Variants in CRLF3 observed in about 807,000 individuals in gnomAD.
CRLF3 encodes the protein cytokine receptor-like factor 3.
A neutral mutation model predicts 55.0 loss-of-function variants in CRLF3; 33 were observed. That is an observed-to-expected ratio of 0.60 (90% CI 0.46 to 0.80). The LOEUF is 0.80. Ranked by LOEUF, CRLF3 falls within the 30% of genes least tolerant of loss-of-function variation. The pLI, the probability that CRLF3 is intolerant of heterozygous loss-of-function variation, is 0.00. For missense variants in CRLF3, 494 were observed against 538.4 expected (o/e 0.92, Z 0.82); for synonymous variants, 238 against 196.8 (o/e 1.21, Z -1.75).
In CRLF3 at chr17:30,783,259, A is replaced by G. The variant is rs1376415179; in HGVS notation, c.*928T>C. ...AATACTGTAGCCTATACTGTATCAA[A>G]TTGCAATGAAAGAACAAAAGGTACT... On this transcript the variant is annotated 3_prime_UTR_variant, in exon 8 of 8. Transcript: ENST00000324238. The G allele has an allele frequency of 6.6e-6, 1 of 152,236 alleles. No homozygotes were observed. 9.4% of individuals were successfully genotyped at this position (152,236 alleles called of 1,614,324 possible). A position where few individuals can be genotyped will look rare whatever the true frequency, so the allele number is the denominator to read the frequency against.
intron 1 of CRLF3, among the ~76,000 whole-genome samples, chr17:30,806,262 T>C (rs1309265037): frequency 6.6e-6 from 1 of 152,168 alleles, no homozygotes; most frequent in Non-Finnish European, 1.5e-5. Context: ...AAAAAGCCTC[T>C]TCCCCAAAAA....
chr17:30,809,979 G>T (rs1904561326), intron 1 of CRLF3: 1 of 152,110 alleles, frequency 6.6e-6, no homozygotes, highest in Non-Finnish European at 1.5e-5. Context: ...AGAGCTCCCA[G>T]ATAAATCTGT....
At chr17:30,795,807 G>A (rs1024260393) in intron 4 of CRLF3, among the ~76,000 whole-genome samples, 2 of 151,992 alleles carry the variant, frequency 1.3e-5, no homozygotes, top group Non-Finnish European at 2.9e-5. Flanking sequence ...GTGATGGCAG[G>A]TGCCTATAAT....
intron 6 of CRLF3, among the ~76,000 whole-genome samples, chr17:30,790,283 C>T (rs1971762206): frequency 6.6e-6 from 1 of 152,172 alleles, no homozygotes; most frequent in South Asian, 2.1e-4. Context: ...GAGCTTGTTA[C>T]ACTAAGGTGA....
rs1971560542 is a variant in CRLF3 at position 30,783,727 on chromosome 17, A to G, written c.*460T>C. On this transcript the variant is annotated 3_prime_UTR_variant, in exon 8 of 8. Coordinates refer to ENST00000324238, the MANE Select transcript of CRLF3 (RefSeq NM_015986.4). The stretch of plus-strand genomic sequence containing the variant: ...TGAACATGGAGAGCACAGTCAACAC[A>G]TTCATGTGGACAGCACATGAACGGA... The G allele has an allele frequency of 6.5e-6, 1 of 153,270 alleles. No homozygotes were observed. Among genetic ancestry groups the G allele is most frequent in the Non-Finnish European group, 1.5e-5 (1 of 68,872 alleles). The allele number at this position is 153,270 out of a possible 1,614,324, so 9.5% of individuals were successfully genotyped here.
At position 30,824,635 on chromosome 17, in the gene CRLF3, T is replaced by TCCATCG; in HGVS notation, c.11_16dup (p.Ala4_Met5dup). 6.3e-7 allele frequency: 1 copy of TCCATCG among 1,599,906 alleles called. No individual in the cohort carries two copies. The highest frequency in any genetic ancestry group is 8.5e-7 in the Non-Finnish European group (1 of 1,177,332). ...CTGCAACAGCAGCTCAGGCTCCAGCTCCATCGCCCCCCTCATCTGGCCGCG... is the reference window on the plus strand; with the variant it reads ...CTGCAACAGCAGCTCAGGCTCCAGCTCCATCGCCATCGCCCCCCTCATCTGGCCGCG... On this transcript the variant is annotated inframe_insertion, in exon 1 of 8. Coordinates refer to ENST00000324238, the MANE Select transcript of CRLF3 (RefSeq NM_015986.4).
chr17:30,790,939 G>A (rs1301480640), intron 6 of CRLF3: 2 of 151,616 alleles, frequency 1.3e-5, no homozygotes, highest in Non-Finnish European at 2.9e-5. Context: ...TTTTTTTTGA[G>A]ACGGAGTCTC....
At chr17:30,821,901 G>A (rs1170085404) in intron 1 of CRLF3, among the ~76,000 whole-genome samples, 3 of 151,632 alleles carry the variant, frequency 2.0e-5, no homozygotes, top group African/African-American at 7.3e-5. Flanking sequence ...TGACTTTTAC[G>A]GTGTGTGAAT....
intron 6 of CRLF3, among the ~76,000 whole-genome samples, chr17:30,791,604 G>A (rs925881491): frequency 6.0e-5 from 9 of 149,750 alleles, no homozygotes; most frequent in South Asian, 2.1e-4. Flanking sequence ...TGCAAGCTCC[G>A]CCTCCCGGGT....
At chr17:30,786,926 C>T (rs1971660890) in intron 6 of CRLF3, 1 of 152,292 alleles carries the variant, frequency 6.6e-6, no homozygotes, top group African/African-American at 2.4e-5. Flanking sequence ...TCTCGAACTC[C>T]TGACCTCAGG....
chr17:30,790,605 G>A (rs1014466258), intron 6 of CRLF3: 1 of 80,838 alleles, frequency 1.2e-5, no homozygotes. Context: ...AAATTTTTTT[G>A]CTTTTTTTTT....
intron 1 of CRLF3, among the ~76,000 whole-genome samples, chr17:30,812,111 A>G (rs969853922): frequency 7.9e-5 from 12 of 152,074 alleles, no homozygotes; most frequent in African/African-American, 2.9e-4. Context: ...CTCCGTCTAA[A>G]AAAAAAATAA....
chr17:30,797,518 A>T (rs1971936745), intron 2 of CRLF3, 120 bp from the exon 3 acceptor site: 2 of 744,000 alleles, frequency 2.7e-6, no homozygotes, highest in Non-Finnish European at 4.6e-6. Flanking sequence ...GTGATGCCAC[A>T]GTCAAATTCC....
rs947966084 is a variant in CRLF3 at position 30,788,095 on chromosome 17, G to A, written c.960-2064C>T. Among the ~76,000 whole-genome samples, 7 of 152,098 alleles carry A rather than the reference G, an allele frequency of 4.6e-5. No homozygotes were observed. In the East Asian group the frequency reaches 1.2e-3, roughly 25 times the overall value. Reference sequence around the variant, plus strand: ...TGTAATCCCAGCACTTTGGGAGGCCGAGGTGGGCGGATCACAAAGTCAGGA... The same window carrying A: ...TGTAATCCCAGCACTTTGGGAGGCCAAGGTGGGCGGATCACAAAGTCAGGA... On this transcript the variant is annotated intron_variant, in intron 6 of 7. Transcript: ENST00000324238.
chr17:30,791,467 A>G (rs949755650), intron 6 of CRLF3, among the ~76,000 whole-genome samples: 15 of 151,450 alleles, frequency 9.9e-5, no homozygotes, highest in Non-Finnish European at 1.8e-4. Flanking sequence ...TCGGCCTCCC[A>G]AAGTGCTGGG....
intron 2 of CRLF3, among the ~76,000 whole-genome samples, chr17:30,799,207 A>C (rs748360804): frequency 1.8e-4 from 27 of 152,200 alleles, no homozygotes; most frequent in Non-Finnish European, 3.2e-4. Context: ...TGCGAGGCGT[A>C]GGCTGCAGCA....
chr17:30,797,301 ACT>A lies in CRLF3; in HGVS notation c.425+8_425+9del, dbSNP rs1215888180. 3.4e-5 allele frequency: 55 copies of A among 1,601,818 alleles called. No homozygotes were observed. The highest frequency in any genetic ancestry group is 4.6e-5 in the Non-Finnish European group (54 of 1,168,968). ...TTAAAAGTAAGTCAAAAAGGCACAAACTCTTTTACCTGTCCAACTGAATGTGC... is the reference window on the plus strand; with the variant it reads ...TTAAAAGTAAGTCAAAAAGGCACAAACTTTTACCTGTCCAACTGAATGTGC... On this transcript the variant is annotated splice_region_variant and intron_variant, in intron 3 of 7. Transcript: ENST00000324238.
chr17:30,784,499 A>AAT (rs2142237064), intron 7 of CRLF3, 56 bp from the exon 8 acceptor site: 2 of 1,458,564 alleles, frequency 1.4e-6, no homozygotes, highest in African/African-American at 2.8e-5. Flanking sequence ...AGAGATCTGA[A>AAT]ATAGTTTCTA....
At chr17:30,804,219 T>A in intron 1 of CRLF3, 111 bp from the exon 2 acceptor site, 1 of 703,252 alleles carries the variant, frequency 1.4e-6, no homozygotes, top group Non-Finnish European at 2.4e-6. Flanking sequence ...TTCAATTTAG[T>A]AAAAAAAAGA....
Sources: gnomAD v4.1 joint callset for allele counts (sites outside exome capture counted in the v4.1 genomes callset) on GRCh38, gnomAD v4.1.1 for gene constraint, MANE v1.5 for transcripts, NCBI Gene and HGNC (gene_info 2026-07-23, HGNC 2026-07-21) for gene names.